Variants in CDHR4 observed in about 807,000 individuals in gnomAD.
The protein encoded by CDHR4 is cadherin-related family member 4.
In CDHR4, 89 loss-of-function variants were observed where a neutral mutation model predicts 88.4. The observed-to-expected ratio is 1.01, with a 90% CI of 0.85 to 1.20. The LOEUF (loss-of-function observed/expected upper bound fraction) is 1.20. CDHR4 is among the 50% of genes most tolerant of loss of function. The pLI is 0.00. For missense variants in CDHR4, 914 were observed against 1,007.2 expected, an observed-to-expected ratio of 0.91 and a Z score of 1.25; for synonymous variants, 368 against 399.2, an observed-to-expected ratio of 0.92 and a Z score of 0.93.
chr3:49,799,901 CAT>C, upstream of CDHR4: 1 of 1,415,516 alleles, frequency 7.1e-7, no homozygotes, highest in South Asian at 1.2e-5. Flanking sequence ...GTTGCTCAAA[CAT>C]AGCTGGGCAG....
intron 4 of CDHR4, 70 bp from the exon 5 acceptor site, chr3:49,797,102 G>C: frequency 7.8e-7 from 1 of 1,279,702 alleles, no homozygotes; most frequent in South Asian, 1.3e-5. Flanking sequence ...CGACAACCCA[G>C]CAGCAACCCT....
upstream of CDHR4, among the ~76,000 whole-genome samples, chr3:49,802,731 C>G (rs1197506896): frequency 6.6e-6 from 1 of 152,240 alleles, no homozygotes; most frequent in African/African-American, 2.4e-5. Flanking sequence ...CCAAGCACTC[C>G]CCACTAGAGG....
rs139331630 is a variant in CDHR4 at position 49,791,339 on chromosome 3, C to T, written c.2311+102G>A. 1.0e-4 allele frequency: 130 copies of T among 1,304,834 alleles called. No individual in the cohort carries two copies. In the African/African-American group the frequency reaches 1.6e-3, roughly 16 times the overall value. 80.8% of individuals were successfully genotyped at this position (1,304,834 alleles called of 1,614,324 possible). A position where few individuals can be genotyped will look rare whatever the true frequency, so the allele number is the denominator to read the frequency against. Reference sequence around the variant, plus strand: ...AAAAAAGCAGATAGATGGTGGGTTCCTGGGAGTAGGAGGAGATATTGAGAT... The same window carrying T: ...AAAAAAGCAGATAGATGGTGGGTTCTTGGGAGTAGGAGGAGATATTGAGAT... On this transcript the variant is annotated intron_variant, in intron 18 of 18. Transcript: ENST00000412678.
chr3:49,793,968 CGTT>C lies in CDHR4; in HGVS notation c.1315_1317del (p.Asn439del), dbSNP rs1559725354. ...CGAGGGGCACAGGCTGGGGAGAACT[CGTT>C]GATGGGTGTCACCATCACCAGTACC... On this transcript the variant is annotated inframe_deletion, in exon 11 of 19. Transcript: ENST00000412678. The C allele has an allele frequency of 1.3e-6, 2 of 1,551,730 alleles. No homozygotes were observed. The highest frequency in any genetic ancestry group is 2.4e-5 in the South Asian group (2 of 84,064).
chr3:49,792,168 CAGA>C (rs2081188817), intron 15 of CDHR4, among the ~76,000 whole-genome samples: 1 of 152,152 alleles, frequency 6.6e-6, no homozygotes, highest in Admixed American at 6.5e-5. Flanking sequence ...CAGTGGAGGG[CAGA>C]AGTCAGGAAT....
Position 49,790,811 on chromosome 3 carries a change from T to C in CDHR4, c.*21A>G. ...TGGTGTGAAAAAGAAATTCCACACA[T>C]AGTAAGACAGCTACTTGGCCTCAGA... On this transcript the variant is annotated 3_prime_UTR_variant, in exon 19 of 19. Coordinates refer to ENST00000412678, the MANE Select transcript of CDHR4 (RefSeq NM_001007540.4). 7.1e-6 allele frequency: 11 copies of C among 1,548,132 alleles called. No homozygotes were observed. Among genetic ancestry groups the C allele is most frequent in the Non-Finnish European group, 9.6e-6 (11 of 1,144,926 alleles).
rs891814992 is a variant in CDHR4 at position 49,796,996 on chromosome 3, G to A, written c.532C>T (p.Pro178Ser). Residue 178 changes from proline to serine, a missense_variant, in exon 5 of 19, where the codon CCT (proline) becomes TCT (serine). Transcript: ENST00000412678. ...IISAQDLPHF[P>S]GPFSINEQGW... ...TGCTCATTGATGGAGAAAGGTCCAG[G>A]GAAGTGTGGCAGGTCCTGGGCACTG... 1 of 1,551,596 alleles carries A rather than the reference G, an allele frequency of 6.4e-7. No individual in the cohort carries two copies. Among genetic ancestry groups the A allele is most frequent in the Admixed American group, 2.0e-5 (1 of 50,986 alleles).
At chr3:49,801,572 G>A (rs2081362045), upstream of CDHR4, among the ~76,000 whole-genome samples, 1 of 152,184 alleles carries the variant, frequency 6.6e-6, no homozygotes, top group Admixed American at 6.5e-5. Context: ...CATCTCAAGG[G>A]TTACGTGTCC....
At chr3:49,792,768 C>A (rs559517896) in intron 14 of CDHR4, 86 bp downstream of exon 14, 4 of 1,457,272 alleles carry the variant, frequency 2.7e-6, no homozygotes, top group Admixed American at 2.3e-5. Flanking sequence ...ACTGCCTTCC[C>A]CATAGTTCCA....
intron 18 of CDHR4, 63 bp from the exon 19 acceptor site, chr3:49,790,950 CT>C: frequency 7.7e-7 from 1 of 1,291,132 alleles, no homozygotes; most frequent in Non-Finnish European, 1.1e-6. Flanking sequence ...AACTGCCTCC[CT>C]CCCCCTTACT....
chr3:49,794,558 A>G (rs1240826908), intron 10 of CDHR4, 50 bp downstream of exon 10: 9 of 1,417,654 alleles, frequency 6.3e-6, no homozygotes, highest in Non-Finnish European at 8.7e-6. Context: ...GGGAAGCGGG[A>G]GGACAGAACA....
rs2081164129 is a variant in CDHR4, at chr3:49,790,746, TTTTG to T, written c.*82_*85del. 1.6e-6 allele frequency: 2 copies of T among 1,228,962 alleles called. No individual in the cohort carries two copies. The highest frequency in any genetic ancestry group is 2.3e-6 in the Non-Finnish European group (2 of 884,102). The allele number at this position is 1,228,962 out of a possible 1,614,324, so 76.1% of individuals were successfully genotyped here. A position where few individuals can be genotyped will look rare whatever the true frequency, so the allele number is the denominator to read the frequency against. ...AAGGCTAGAACTTTTCTTTTTGTAA[TTTTG>T]TTTATTATGAATCAACTTGAAAATA... On this transcript the variant is annotated 3_prime_UTR_variant, in exon 19 of 19. Coordinates refer to ENST00000412678, the MANE Select transcript of CDHR4 (RefSeq NM_001007540.4).
intron 17 of CDHR4, 109 bp from the exon 18 acceptor site, chr3:49,791,577 G>A: frequency 1.4e-6 from 2 of 1,474,828 alleles, no homozygotes; most frequent in South Asian, 2.6e-5. Context: ...CCTCCATTCT[G>A]ATGGTGCTAG....
At chr3:49,796,100 G>C in intron 5 of CDHR4, 54 bp from the exon 6 acceptor site, 1 of 1,327,264 alleles carries the variant, frequency 7.5e-7, no homozygotes, top group Admixed American at 2.9e-5. Context: ...CCACCTCTTT[G>C]TCTATGCCCA....
chr3:49,793,256 T>C lies in CDHR4; in HGVS notation c.1679A>G (p.Tyr560Cys), dbSNP rs1037122507. The C allele has an allele frequency of 6.4e-7, 1 of 1,551,518 alleles. No homozygotes were observed. The highest frequency in any genetic ancestry group is 1.4e-5 in the African/African-American group (1 of 73,010). ...CTCCACGCTACGGCCCAGAGGAGCA[T>C]AGATGGTGAGTTCCTGAAATGGGGG... is the stretch of plus-strand genomic sequence containing the variant. Reference protein sequence around the residue: ...CEPPFQELTIYAPLGRSVEVT... With the variant: ...CEPPFQELTICAPLGRSVEVT... Residue 560 changes from tyrosine (Y) to cysteine (C), a missense_variant, in exon 13 of 19, where the codon TAT becomes TGT. Transcript: ENST00000412678.
Position 49,794,596 on chromosome 3 carries a change from G to A in CDHR4, c.1279+12C>T, listed in dbSNP as rs1368815436. ...CTTGTCCTGGGTGTCCAGGCCGGGT[G>A]TGGTCACTCACTGGTCATCTGGGGC... On this transcript the variant is annotated intron_variant, in intron 10 of 18. Coordinates refer to ENST00000412678, the MANE Select transcript of CDHR4 (RefSeq NM_001007540.4). 2.0e-5 allele frequency: 31 copies of A among 1,546,784 alleles called. No homozygotes were observed. Among genetic ancestry groups the A allele is most frequent in the African/African-American group, 2.7e-5 (2 of 72,954 alleles).
intron 1 of CDHR4, 32 bp from the exon 2 acceptor site, chr3:49,799,469 C>T (rs1575355602): frequency 6.4e-7 from 1 of 1,556,610 alleles, no homozygotes; most frequent in Non-Finnish European, 8.7e-7. Context: ...GGCTGGAGGC[C>T]CCCAGGCTGA....
rs2081240705 is a variant in CDHR4 at position 49,794,682 on chromosome 3, C to G, written c.1205G>C (p.Cys402Ser). ...RVLEVNATLDCDTPGACFQHA... is the reference protein window; with the variant it reads ...RVLEVNATLDSDTPGACFQHA... ...CTGGAAGCAGGCTCCAGGAGTGTCA[C>G]AGTCCAGTGTGGCATTCACCTAGCC... The change falls in exon 10 of 19, where the codon TGT becomes TCT. Residue 402 changes from cysteine to serine, a missense_variant. Transcript: ENST00000412678. 5 of 1,551,400 alleles carry G rather than the reference C, an allele frequency of 3.2e-6. No individual in the cohort carries two copies. The highest frequency in any genetic ancestry group is 4.4e-6 in the Non-Finnish European group (5 of 1,146,854).
intron 4 of CDHR4, 97 bp from the exon 5 acceptor site, chr3:49,797,129 C>A: frequency 2.7e-6 from 2 of 745,906 alleles, no homozygotes; most frequent in Non-Finnish European, 2.3e-6. Context: ...ACCCAGCAGG[C>A]ACCTGCCTAC....
Sources: allele counts gnomAD v4.1 joint callset (sites outside exome capture counted in the v4.1 genomes callset), GRCh38; gene constraint gnomAD v4.1.1; transcripts MANE v1.5; gene names NCBI Gene and HGNC (gene_info 2026-07-23, HGNC 2026-07-21).